The following COG5 variants were observed in gnomAD, a reference collection of about 807,000 sequenced individuals.
The protein encoded by COG5 is conserved oligomeric Golgi complex subunit 5.
Under a neutral mutation model 110.4 loss-of-function variants are expected in COG5, and 86 were observed. That is an observed-to-expected ratio of 0.78 (90% CI 0.65 to 0.93). The LOEUF is 0.93. Among genes scored for constraint, COG5 ranks in the 40% least tolerant of loss-of-function variants. COG5 has a pLI of 0.00. For synonymous variants in COG5, 360 were observed against 334.6 expected, an observed-to-expected ratio of 1.08 and a Z score of -0.83; for missense variants, 1,077 against 987.0, an observed-to-expected ratio of 1.09 and a Z score of -1.22.
In COG5 at chr7:107,231,148, A is replaced by AT. The variant is rs142463119; in HGVS notation, c.2092-458dup. Among the ~76,000 whole-genome samples, 823 of 152,258 alleles carry AT rather than the reference A, an allele frequency of 5.4e-3. 10 individuals carry two copies. Among genetic ancestry groups the AT allele is most frequent in the African/African-American group, 0.019 (784 of 41,544 alleles). Reference sequence around the variant, plus strand: ...ATCTATATCAGCATTCCAAATGCTGATACTAGTTACTAGTTTGTGACCCTG... The same window carrying AT: ...ATCTATATCAGCATTCCAAATGCTGATTACTAGTTACTAGTTTGTGACCCTG... On this transcript the variant is annotated intron_variant, in intron 18 of 21. Transcript: ENST00000297135.
intron 14 of COG5, among the ~76,000 whole-genome samples, chr7:107,273,908 A>G (rs1169099403): frequency 1.3e-5 from 2 of 152,210 alleles, no homozygotes; most frequent in Admixed American, 1.3e-4. Context: ...TTAGGACAAT[A>G]AAGATTAGAA....
chr7:107,318,449 C>A (rs1808958139), intron 11 of COG5, among the ~76,000 whole-genome samples: 1 of 152,146 alleles, frequency 6.6e-6, no homozygotes, highest in African/African-American at 2.4e-5. Context: ...TTTTAAAAAA[C>A]TTTTTAGAGT....
chr7:107,563,370 C>G, intron 1 of COG5: 1 of 277,208 alleles, frequency 3.6e-6, no homozygotes, highest in Non-Finnish European at 7.1e-6. Context: ...GCGTTTCCAG[C>G]TCTACTTTAA....
At chr7:107,528,185 G>T (rs1226110451) in intron 5 of COG5, among the ~76,000 whole-genome samples, 1 of 151,388 alleles carries the variant, frequency 6.6e-6, no homozygotes, top group East Asian at 1.9e-4. Context: ...TCTACCTCCT[G>T]GGCTCAAGCG....
intron 3 of COG5, among the ~76,000 whole-genome samples, chr7:107,553,506 CCTT>C (rs1185976849): frequency 6.6e-6 from 1 of 152,090 alleles, no homozygotes; most frequent in Non-Finnish European, 1.5e-5. Context: ...TATCCTCTCT[CCTT>C]AAGAATTTGA....
intron 6 of COG5, among the ~76,000 whole-genome samples, chr7:107,470,977 T>C (rs1345661570): frequency 6.6e-6 from 1 of 151,964 alleles, no homozygotes; most frequent in Non-Finnish European, 1.5e-5. Flanking sequence ...TTAGGCAAGT[T>C]ACAATATTTT....
At chr7:107,533,679 C>T (rs1402196717) in intron 5 of COG5, among the ~76,000 whole-genome samples, 2 of 151,598 alleles carry the variant, frequency 1.3e-5, no homozygotes, top group Admixed American at 6.6e-5. Flanking sequence ...AAAGACCAAA[C>T]CTACATTTGA....
intron 5 of COG5, among the ~76,000 whole-genome samples, chr7:107,541,571 A>G (rs1483783151): frequency 7.0e-6 from 1 of 143,196 alleles, no homozygotes; most frequent in Non-Finnish European, 1.5e-5. Context: ...TATTTATATA[A>G]ATGAAATTGA....
At position 107,201,724 on chromosome 7, in the gene COG5, G is replaced by A. The variant is rs1798326058; in HGVS notation, c.*1792C>T. 3.1e-6 allele frequency: 1 copy of A among 326,862 alleles called. No homozygotes were observed. Among genetic ancestry groups the A allele is most frequent in the South Asian group, 8.9e-5 (1 of 11,174 alleles). 20.2% of individuals were successfully genotyped at this position (326,862 alleles called of 1,614,324 possible). ...AAAATTGATATCCTGTGGTGCTAAA[G>A]TACAGTAGAAAGAGAGGAGAAGTGT... On this transcript the variant is annotated 3_prime_UTR_variant, in exon 22 of 22. Coordinates refer to ENST00000297135, the MANE Select transcript of COG5 (RefSeq NM_006348.5).
At position 107,531,950 on chromosome 7, in the gene COG5, G is replaced by A. The variant is rs572489527; in HGVS notation, c.418-4593C>T. ...CGAGCAGTCGTTGATAGCCTCCTTG[G>A]TATCTGGTATAAAAATGTTCCAGGA... On this transcript the variant is annotated intron_variant, in intron 5 of 21. Coordinates refer to ENST00000297135, the MANE Select transcript of COG5 (RefSeq NM_006348.5). Among the ~76,000 whole-genome samples, 14 of 152,166 alleles carry A rather than the reference G, an allele frequency of 9.2e-5. No individual in the cohort carries two copies. The South Asian group carries it at 2.9e-3, about 32-fold the overall frequency.
chr7:107,411,730 T>G (rs1792312349), intron 7 of COG5, among the ~76,000 whole-genome samples: 1 of 152,184 alleles, frequency 6.6e-6, no homozygotes, highest in Non-Finnish European at 1.5e-5. Context: ...CCTTCTTGAT[T>G]TAGAGGCTTA....
chr7:107,271,198 G>A lies in COG5; in HGVS notation c.1575+10102C>T, dbSNP rs1452710975. ...CGAGTTCCAGGCTGCAGTGAGCAAG[G>A]ATCACGACATTGCATCTAGCCTGGG... is the stretch of plus-strand genomic sequence containing the variant. On this transcript the variant is annotated intron_variant, in intron 14 of 21. Coordinates refer to ENST00000297135, the MANE Select transcript of COG5 (RefSeq NM_006348.5). Among the ~76,000 whole-genome samples, 12 of 152,110 alleles carry A rather than the reference G, an allele frequency of 7.9e-5. No homozygotes were observed. The East Asian group carries it at 1.2e-3, about 15-fold the overall frequency.
At chr7:107,364,366 CA>C in intron 8 of COG5, among the ~76,000 whole-genome samples, 2 of 152,282 alleles carry the variant, frequency 1.3e-5, no homozygotes, top group Admixed American at 1.3e-4. Context: ...TGATTGGTTT[CA>C]TTGGTTTCAG....
At chr7:107,272,696 C>A (rs925547496) in intron 14 of COG5, among the ~76,000 whole-genome samples, 6 of 152,066 alleles carry the variant, frequency 3.9e-5, no homozygotes, top group African/African-American at 1.4e-4. Context: ...TCAATTCCTG[C>A]CCTAAGGTAT....
At chr7:107,473,199 A>C (rs1030242857) in intron 6 of COG5, among the ~76,000 whole-genome samples, 1 of 151,896 alleles carries the variant, frequency 6.6e-6, no homozygotes, top group Non-Finnish European at 1.5e-5. Flanking sequence ...ATATTCCTTT[A>C]AACTACTTCA....
At chr7:107,260,299 T>A (rs1803232036) in intron 14 of COG5, among the ~76,000 whole-genome samples, 1 of 152,080 alleles carries the variant, frequency 6.6e-6, no homozygotes, top group African/African-American at 2.4e-5. Context: ...GAAAACATTA[T>A]TCTATGTGAA....
intron 5 of COG5, among the ~76,000 whole-genome samples, chr7:107,537,287 C>T (rs970383269): frequency 1.3e-5 from 2 of 152,178 alleles, no homozygotes; most frequent in African/African-American, 2.4e-5. Context: ...GATACACACA[C>T]ACGTATGTTT....
intron 5 of COG5, among the ~76,000 whole-genome samples, chr7:107,530,019 T>C (rs1456848326): frequency 6.6e-6 from 1 of 152,216 alleles, no homozygotes; most frequent in East Asian, 1.9e-4. Flanking sequence ...ATTAAGCTCT[T>C]ACTCTAAGAC....
At chr7:107,414,623 C>T (rs1487372151) in intron 6 of COG5, among the ~76,000 whole-genome samples, 2 of 149,892 alleles carry the variant, frequency 1.3e-5, no homozygotes, top group African/African-American at 4.9e-5. Context: ...CATTCATGAA[C>T]CTCTGGCTTC....
Sources: gnomAD v4.1 joint callset for allele counts (sites outside exome capture counted in the v4.1 genomes callset) on GRCh38, gnomAD v4.1.1 for gene constraint, MANE v1.5 for transcripts, NCBI Gene and HGNC (gene_info 2026-07-23, HGNC 2026-07-21) for gene names.